Variants in LEMD1 observed in about 807,000 individuals in gnomAD.
LEMD1 encodes LEM domain-containing protein 1.
Under a neutral mutation model 17.4 loss-of-function variants are expected in LEMD1, and 18 were observed. That is an observed-to-expected ratio of 1.04 (90% CI 0.72 to 1.54). The LOEUF (loss-of-function observed/expected upper bound fraction) is 1.54. Ranked by LOEUF, LEMD1 falls within the 40% of genes most tolerant of loss-of-function variation. The pLI, the probability that LEMD1 is intolerant of heterozygous loss-of-function variation, is 0.00. For synonymous variants in LEMD1, 88 were observed against 77.8 expected (o/e 1.13, Z -0.69); for missense variants, 195 against 210.4 (o/e 0.93, Z 0.45).
At chr1:205,428,773 G>T (rs924776919) in intron 1 of LEMD1, among the ~76,000 whole-genome samples, 2 of 152,178 alleles carry the variant, frequency 1.3e-5, no homozygotes, top group African/African-American at 4.8e-5. Flanking sequence ...TAAGTAACTA[G>T]GTGGGGATGA....
chr1:205,430,039 T>C (rs566993900), intron 1 of LEMD1, among the ~76,000 whole-genome samples: 1 of 152,254 alleles, frequency 6.6e-6, no homozygotes, highest in African/African-American at 2.4e-5. Context: ...CTGGGACACA[T>C]ATTAATGGCA....
At chr1:205,425,686 C>T (rs1406260249), upstream of LEMD1, among the ~76,000 whole-genome samples, 2 of 152,066 alleles carry the variant, frequency 1.3e-5, no homozygotes, top group African/African-American at 4.8e-5. Flanking sequence ...TACTCAAATG[C>T]AGTGAAGGTT....
chr1:205,401,621 C>T (rs1206899777), intron 4 of LEMD1, among the ~76,000 whole-genome samples: 1 of 152,086 alleles, frequency 6.6e-6, no homozygotes, highest in African/African-American at 2.4e-5. Flanking sequence ...GAGTAGGTTG[C>T]AAAAATTTTC....
chr1:205,403,408 C>T (rs1305769037), intron 4 of LEMD1, among the ~76,000 whole-genome samples: 1 of 152,160 alleles, frequency 6.6e-6, no homozygotes, highest in African/African-American at 2.4e-5. Flanking sequence ...AGAGATTCAA[C>T]TTCTTCCTGG....
intron 4 of LEMD1, among the ~76,000 whole-genome samples, chr1:205,414,979 C>A (rs1665624989): frequency 6.6e-6 from 1 of 152,094 alleles, no homozygotes; most frequent in Non-Finnish European, 1.5e-5. Flanking sequence ...CATTCAGATC[C>A]CTAAGACTTG....
intron 4 of LEMD1, among the ~76,000 whole-genome samples, chr1:205,392,035 C>T (rs904230909): frequency 6.6e-6 from 1 of 151,696 alleles, no homozygotes; most frequent in Non-Finnish European, 1.5e-5. Context: ...TGCTTGAACC[C>T]GGGAGGCGGA....
chr1:205,410,716 A>G (rs1475397061), intron 4 of LEMD1, among the ~76,000 whole-genome samples: 2 of 152,086 alleles, frequency 1.3e-5, no homozygotes, highest in Admixed American at 6.6e-5. Flanking sequence ...TGAATGAAAA[A>G]GTAGCGAGGC....
At chr1:205,403,883 G>A (rs1480846922) in intron 4 of LEMD1, among the ~76,000 whole-genome samples, 10 of 152,082 alleles carry the variant, frequency 6.6e-5, no homozygotes, top group African/African-American at 2.4e-4. Flanking sequence ...ATGTGTCCCA[G>A]AGATTCTGGT....
chr1:205,446,359 G>A (rs1666389447), intron 1 of LEMD1, among the ~76,000 whole-genome samples: 1 of 152,190 alleles, frequency 6.6e-6, no homozygotes, highest in East Asian at 1.9e-4. Flanking sequence ...GTCCCTGCTG[G>A]TGGCAACTTA....
intron 4 of LEMD1, among the ~76,000 whole-genome samples, chr1:205,405,161 G>A (rs970788954): frequency 2.6e-5 from 4 of 152,142 alleles, no homozygotes; most frequent in South Asian, 2.1e-4. Flanking sequence ...CAACTTTGGC[G>A]AATCTGACAA....
At chr1:205,382,189 G>A (rs1663740613) in intron 5 of LEMD1, 2 of 234,314 alleles carry the variant, frequency 8.5e-6, no homozygotes, top group Non-Finnish European at 1.7e-5. Context: ...AAATTTCGTA[G>A]GCCAGGTGTG....
chr1:205,417,118 A>G (rs1229210036), intron 3 of LEMD1, among the ~76,000 whole-genome samples: 1 of 152,252 alleles, frequency 6.6e-6, no homozygotes, highest in Non-Finnish European at 1.5e-5. Flanking sequence ...AGACTTTTCC[A>G]ATGAGCAAAT....
chr1:205,425,759 A>C (rs1168217155), upstream of LEMD1, among the ~76,000 whole-genome samples: 2 of 152,230 alleles, frequency 1.3e-5, no homozygotes, highest in Admixed American at 6.5e-5. Flanking sequence ...AGGGAAAAAA[A>C]CAACAAATGT....
intron 1 of LEMD1, among the ~76,000 whole-genome samples, chr1:205,446,518 G>A (rs376633282): frequency 1.3e-5 from 2 of 152,350 alleles, no homozygotes; most frequent in Admixed American, 6.5e-5. Context: ...CTCCTAGGCT[G>A]AGCCCAGTGC....
chr1:205,409,066 C>T (rs759541728), intron 4 of LEMD1, among the ~76,000 whole-genome samples: 5 of 151,908 alleles, frequency 3.3e-5, no homozygotes, highest in Admixed American at 1.3e-4. Flanking sequence ...CTTGAACTCC[C>T]GGGCTCAAGC....
chr1:205,413,657 T>A (rs12754351), intron 4 of LEMD1, among the ~76,000 whole-genome samples: 18,309 of 139,866 alleles, frequency 0.13, 1,593 homozygotes, highest in Admixed American at 0.25. Flanking sequence ...AAAATGCCAT[T>A]TTTTTTTTTT....
chr1:205,444,136 C>G (rs1020580386), intron 1 of LEMD1, among the ~76,000 whole-genome samples: 2 of 152,214 alleles, frequency 1.3e-5, no homozygotes, highest in East Asian at 3.9e-4. Flanking sequence ...CATCCTCCCC[C>G]TCCTTTTCCA....
chr1:205,448,193 A>C lies in LEMD1; in HGVS notation c.-39+1675T>G. On this transcript the variant is annotated intron_variant, in intron 1 of 3. Transcript: ENST00000367154. The surrounding 1 kb of genome is among the most constrained non-coding windows in gnomAD (Gnocchi z 4.7). ...GGTCACACGGCTTAGCCCCGATCCC[A>C]GGTTACCAGATCCCGTGATGCCCCA... 2 of 442,894 alleles carry C rather than the reference A, an allele frequency of 4.5e-6. No individual in the cohort carries two copies. Among genetic ancestry groups the C allele is most frequent in the East Asian group, 5.8e-5 (1 of 17,196 alleles). 27.4% of individuals were successfully genotyped at this position (442,894 alleles called of 1,614,324 possible).
intron 1 of LEMD1, among the ~76,000 whole-genome samples, chr1:205,434,077 T>C (rs1245057613): frequency 1.3e-5 from 2 of 152,234 alleles, no homozygotes; most frequent in Admixed American, 6.5e-5. Flanking sequence ...TTGTTCTTAA[T>C]GTTATGCCAT....
Sources: gnomAD v4.1 joint callset for allele counts (sites outside exome capture counted in the v4.1 genomes callset) on GRCh38, gnomAD v4.1.1 for gene constraint, Gnocchi (gnomAD v3.1) non-coding constraint, MANE v1.5 for transcripts, NCBI Gene and HGNC (gene_info 2026-07-23, HGNC 2026-07-21) for gene names.